The following PHLPP2 variants were observed in gnomAD, a reference collection of about 807,000 sequenced individuals.
The protein encoded by PHLPP2 is PH domain leucine-rich repeat-containing protein phosphatase 2.
In PHLPP2, 66 loss-of-function variants were observed where a neutral mutation model predicts 124.9. That is an observed-to-expected ratio of 0.53 (90% CI 0.43 to 0.65). The LOEUF (loss-of-function observed/expected upper bound fraction) is 0.65. Ranked by LOEUF, PHLPP2 falls within the 30% of genes least tolerant of loss-of-function variation. The probability of loss-of-function intolerance (pLI) is 0.00; values close to 1 mark genes in which losing one functional copy is unlikely to be tolerated. For missense variants in PHLPP2, 1,685 were observed against 1,600.4 expected (o/e 1.05, Z -0.90); for synonymous variants, 681 against 624.7 (o/e 1.09, Z -1.34).
rs1289142680 is a variant in PHLPP2 at position 71,648,531 on chromosome 16, A to T, written c.*359T>A. ...AGGCCTGTAATCACAGCACTTTGGG[A>T]GGCAGAGGAGGGTGGATCACCTGAG... On this transcript the variant is annotated 3_prime_UTR_variant, in exon 19 of 19. Transcript: ENST00000568954. 1 of 229,274 alleles carries T rather than the reference A, an allele frequency of 4.4e-6. No homozygotes were observed. Among genetic ancestry groups the T allele is most frequent in the Non-Finnish European group, 8.7e-6 (1 of 115,056 alleles). 14.2% of individuals were successfully genotyped at this position (229,274 alleles called of 1,614,324 possible).
intron 3 of PHLPP2, among the ~76,000 whole-genome samples, chr16:71,691,219 C>A (rs1048841830): frequency 6.6e-6 from 1 of 152,104 alleles, no homozygotes; most frequent in Non-Finnish European, 1.5e-5. Context: ...TTTGGGGGGG[C>A]CAAGGCGGGC....
At chr16:71,659,381 A>G (rs1304822098) in intron 13 of PHLPP2, among the ~76,000 whole-genome samples, 2 of 151,296 alleles carry the variant, frequency 1.3e-5, no homozygotes, top group Admixed American at 6.6e-5. Flanking sequence ...CCTCCCGAGT[A>G]GCTGGGATTA....
chr16:71,719,374 A>G (rs1284464444), intron 1 of PHLPP2, among the ~76,000 whole-genome samples: 2 of 152,048 alleles, frequency 1.3e-5, no homozygotes, highest in African/African-American at 4.8e-5. Flanking sequence ...CGTCTCTATT[A>G]AAAATACAGA....
intron 5 of PHLPP2, among the ~76,000 whole-genome samples, chr16:71,683,257 T>C (rs986218061): frequency 6.6e-6 from 1 of 152,186 alleles, no homozygotes; most frequent in Non-Finnish European, 1.5e-5. Flanking sequence ...CCTGCAAAGA[T>C]GGCTAGAAGA....
chr16:71,723,727 G>T (rs1000597480), intron 1 of PHLPP2: 1 of 995,956 alleles, frequency 1.0e-6, no homozygotes, highest in Non-Finnish European at 1.4e-6. Flanking sequence ...CCGCTTGCCC[G>T]CTCGCCCGCT....
At chr16:71,708,463 T>A (rs1313203690) in intron 2 of PHLPP2, among the ~76,000 whole-genome samples, 1 of 152,054 alleles carries the variant, frequency 6.6e-6, no homozygotes, top group Admixed American at 6.6e-5. Flanking sequence ...CCACCCCATC[T>A]CCCTTTGCTG....
In PHLPP2 at chr16:71,647,654, A is replaced by AATTC. The variant is rs1239746020; in HGVS notation, c.*1232_*1235dup. On this transcript the variant is annotated 3_prime_UTR_variant, in exon 19 of 19. Coordinates refer to ENST00000568954, the MANE Select transcript of PHLPP2 (RefSeq NM_015020.3). ...CCCCGCCCTTAGGAAGCTGTCTGCC[A>AATTC]ATTCCTCCACATGCTAGGGAAAGAC... is the stretch of plus-strand genomic sequence containing the variant. 6.6e-6 allele frequency: 1 copy of AATTC among 152,202 alleles called. No homozygotes were observed. The highest frequency in any genetic ancestry group is 1.5e-5 in the Non-Finnish European group (1 of 68,048). The allele number at this position is 152,202 out of a possible 1,614,324, so 9.4% of individuals were successfully genotyped here.
rs746973319 is a variant in PHLPP2 at position 71,649,791 on chromosome 16, T to C, written c.3071A>G (p.Asp1024Gly). The C allele has an allele frequency of 2.1e-5, 34 of 1,614,118 alleles. No individual in the cohort carries two copies. Among genetic ancestry groups the C allele is most frequent in the Non-Finnish European group, 2.8e-5 (33 of 1,180,048 alleles). The change falls in exon 19 of 19, where the codon GAC becomes GGC. Residue 1024 changes from aspartate (D) to glycine (G), a missense_variant. Physicochemically the swap from Asp to Gly is moderately conservative, Grantham distance 94 (BLOSUM62 -1). Coordinates refer to ENST00000568954, the MANE Select transcript of PHLPP2 (RefSeq NM_015020.3). ...ATAAACTACCATCGCCCCTACATTG[T>C]CCTGACAGCCATAGCTCTGCGCTAA... is the stretch of plus-strand genomic sequence containing the variant. ...CTLAQSYGCQ[D>G]NVGAMVVYLN...
rs1019470583 is a variant in PHLPP2 at position 71,648,115 on chromosome 16, G to A, written c.*775C>T. 6.6e-6 allele frequency: 1 copy of A among 152,636 alleles called. No homozygotes were observed. Among genetic ancestry groups the A allele is most frequent in the East Asian group, 1.9e-4 (1 of 5,192 alleles). 9.5% of individuals were successfully genotyped at this position (152,636 alleles called of 1,614,324 possible). A position where few individuals can be genotyped will look rare whatever the true frequency, so the allele number is the denominator to read the frequency against. ...GTATTCTCGTAGAGAAGAATGAAAA[G>A]CCATGTGACTAGTCACATCACACCC... On this transcript the variant is annotated 3_prime_UTR_variant, in exon 19 of 19. Transcript: ENST00000568954.
intron 1 of PHLPP2, chr16:71,723,620 C>G: frequency 3.0e-6 from 1 of 334,324 alleles, no homozygotes; most frequent in Non-Finnish European, 5.1e-6. Flanking sequence ...GTGGGGCGGC[C>G]GACTGACTGA....
At position 71,646,287 on chromosome 16, in the gene PHLPP2, A is replaced by G. The variant is rs2044652838; in HGVS notation, c.*2603T>C. On this transcript the variant is annotated 3_prime_UTR_variant, in exon 19 of 19. Coordinates refer to ENST00000568954, the MANE Select transcript of PHLPP2 (RefSeq NM_015020.3). ...TGTTTTAATACAGAGCAACTGCAGA[A>G]GGACATGAATTAAAGCAGACTGCAA... is the stretch of plus-strand genomic sequence containing the variant. The G allele has an allele frequency of 6.6e-6, 1 of 152,290 alleles. No individual in the cohort carries two copies. Among genetic ancestry groups the G allele is most frequent in the Non-Finnish European group, 1.5e-5 (1 of 68,046 alleles). The allele number at this position is 152,290 out of a possible 1,614,324, so 9.4% of individuals were successfully genotyped here. A position where few individuals can be genotyped will look rare whatever the true frequency, so the allele number is the denominator to read the frequency against.
In PHLPP2 at chr16:71,679,370, T is replaced by A; in HGVS notation, c.1037+19A>T. 1 of 1,609,370 alleles carries A rather than the reference T, an allele frequency of 6.2e-7. No homozygotes were observed. Among genetic ancestry groups the A allele is most frequent in the Non-Finnish European group, 8.5e-7 (1 of 1,175,838 alleles). On this transcript the variant is annotated intron_variant, in intron 7 of 18. Coordinates refer to ENST00000568954, the MANE Select transcript of PHLPP2 (RefSeq NM_015020.3). ...CTTATTCTGCAAGGGAAAAGAGGAA[T>A]CTAGTAAAAGTTACTTACTTTAGCA...
intron 5 of PHLPP2, among the ~76,000 whole-genome samples, chr16:71,683,445 C>A (rs2145343286): frequency 1.3e-5 from 2 of 152,308 alleles, no homozygotes; most frequent in South Asian, 4.1e-4. Flanking sequence ...CTGTTCTGAA[C>A]ATATGCAGAC....
chr16:71,679,278 T>C (rs1297527283), intron 7 of PHLPP2, 111 bp downstream of exon 7: 2 of 932,694 alleles, frequency 2.1e-6, no homozygotes, highest in East Asian at 2.5e-5. Context: ...GAATCCTAAG[T>C]AGTACATGAT....
chr16:71,723,624 T>G (rs2045412463), intron 1 of PHLPP2: 3 of 342,204 alleles, frequency 8.8e-6, no homozygotes. Context: ...GGCGGCCGAC[T>G]GACTGACGCC....
At position 71,699,939 on chromosome 16, in the gene PHLPP2, T is replaced by A. The variant is rs116951371; in HGVS notation, c.418+2659A>T. The stretch of plus-strand genomic sequence containing the variant: ...AAGGGTGGAGCACAACAGACCCCAG[T>A]GAACACGGTTTGTTCCCACCAGCGT... On this transcript the variant is annotated intron_variant, in intron 3 of 18. Coordinates refer to ENST00000568954, the MANE Select transcript of PHLPP2 (RefSeq NM_015020.3). Among the ~76,000 whole-genome samples, 70 of 152,328 alleles carry A rather than the reference T, an allele frequency of 4.6e-4. No individual in the cohort carries two copies. In the East Asian group the frequency reaches 0.012, roughly 26 times the overall value.
chr16:71,649,399 C>T lies in PHLPP2; in HGVS notation c.3463G>A (p.Val1155Ile), dbSNP rs1265681520. ...NGLDSDDDQP[V>I]EGVITNGSKV... is the part of the protein sequence containing the mutation. Reference sequence around the variant, plus strand: ...CTGCCATTGGTTATGACCCCCTCAACGGGCTGGTCATCATCACTGTCCAGG... The same window carrying T: ...CTGCCATTGGTTATGACCCCCTCAATGGGCTGGTCATCATCACTGTCCAGG... Residue 1155 changes from valine (V) to isoleucine (I), a missense_variant, in exon 19 of 19, where the codon GTT becomes ATT. Coordinates refer to ENST00000568954, the MANE Select transcript of PHLPP2 (RefSeq NM_015020.3). 25 of 1,613,904 alleles carry T rather than the reference C, an allele frequency of 1.5e-5. No homozygotes were observed. The highest frequency in any genetic ancestry group is 5.3e-5 in the African/African-American group (4 of 74,904).
chr16:71,657,825 AG>A (rs1408244161), intron 15 of PHLPP2, among the ~76,000 whole-genome samples: 3 of 152,220 alleles, frequency 2.0e-5, no homozygotes, highest in African/African-American at 7.2e-5. Context: ...GGAGGATCAA[AG>A]GGGTAGGAGT....
intron 6 of PHLPP2, among the ~76,000 whole-genome samples, chr16:71,680,221 C>T (rs1250701338): frequency 6.6e-6 from 1 of 152,122 alleles, no homozygotes; most frequent in Non-Finnish European, 1.5e-5. Flanking sequence ...AAAATCCTTG[C>T]AAGAATTAAT....
Sources: gnomAD v4.1 joint callset for allele counts (sites outside exome capture counted in the v4.1 genomes callset) on GRCh38, gnomAD v4.1.1 for gene constraint, MANE v1.5 for transcripts, NCBI Gene and HGNC (gene_info 2026-07-23, HGNC 2026-07-21) for gene names.